The following ANKS1B variants were observed in gnomAD, a reference collection of about 807,000 sequenced individuals.
The protein encoded by ANKS1B is ankyrin repeat and sterile alpha motif domain-containing protein 1B.
ANKS1B carries 36 observed loss-of-function variants against 148.3 expected under a neutral mutation model. That is an observed-to-expected ratio of 0.24 (90% confidence interval 0.19 to 0.32). ANKS1B has a LOEUF of 0.32. Among genes scored for constraint, ANKS1B ranks in the 10% least tolerant of loss-of-function variants. The pLI is 1.00. For synonymous variants in ANKS1B, 542 were observed against 560.8 expected, an observed-to-expected ratio of 0.97 and a Z score of 0.47; for missense variants, 1,157 against 1,542.6, an observed-to-expected ratio of 0.75 and a Z score of 4.19.
At chr12:99,945,006 C>T (rs1444239029) in intron 1 of ANKS1B, among the ~76,000 whole-genome samples, 1 of 152,064 alleles carries the variant, frequency 6.6e-6, no homozygotes, top group African/African-American at 2.4e-5. Context: ...TTTTACTAAG[C>T]AAATATGTGC....
chr12:99,423,365 A>T (rs1011501333), intron 11 of ANKS1B, among the ~76,000 whole-genome samples: 1 of 152,200 alleles, frequency 6.6e-6, no homozygotes, highest in Non-Finnish European at 1.5e-5. Flanking sequence ...GAGAAAAAGG[A>T]ACACTCATAC....
chr12:99,085,649 G>A (rs2051444733), intron 15 of ANKS1B, among the ~76,000 whole-genome samples: 2 of 152,166 alleles, frequency 1.3e-5, no homozygotes, highest in Non-Finnish European at 2.9e-5. Context: ...TAAAGAAAAT[G>A]TGGTACATAT....
At chr12:99,698,730 A>G (rs1010528151) in intron 8 of ANKS1B, among the ~76,000 whole-genome samples, 3 of 152,038 alleles carry the variant, frequency 2.0e-5, no homozygotes, top group Non-Finnish European at 4.4e-5. Context: ...TTCTTGGAAA[A>G]TTTCTTTTTC....
At chr12:99,479,726 G>A (rs530182602) in intron 10 of ANKS1B, among the ~76,000 whole-genome samples, 2 of 151,984 alleles carry the variant, frequency 1.3e-5, no homozygotes, top group South Asian at 2.1e-4. Flanking sequence ...ACGTTGGAGA[G>A]GTGGGTGGAA....
At chr12:99,967,714 T>C (rs2095502780) in intron 1 of ANKS1B, among the ~76,000 whole-genome samples, 1 of 151,686 alleles carries the variant, frequency 6.6e-6, no homozygotes, top group Admixed American at 6.6e-5. Context: ...CCAGAACATC[T>C]TGGCCAACAT....
At chr12:99,048,804 G>A (rs1568557435) in intron 17 of ANKS1B, 1 of 152,362 alleles carries the variant, frequency 6.6e-6, no homozygotes, top group East Asian at 1.9e-4. Flanking sequence ...GCTGGCTGAG[G>A]GAAGCTTCAA....
chr12:99,563,739 A>G (rs2097361105), intron 9 of ANKS1B, among the ~76,000 whole-genome samples: 1 of 152,200 alleles, frequency 6.6e-6, no homozygotes, highest in South Asian at 2.1e-4. Context: ...CAAACCTTCA[A>G]TTTGTAAAAA....
chr12:98,991,886 A>G (rs1323537570), intron 17 of ANKS1B, among the ~76,000 whole-genome samples: 1 of 152,252 alleles, frequency 6.6e-6, no homozygotes, highest in Non-Finnish European at 1.5e-5. Context: ...TAAACAAAGT[A>G]CTGTGAGATC....
chr12:99,345,404 G>T (rs1239238711), intron 12 of ANKS1B, among the ~76,000 whole-genome samples: 1 of 152,034 alleles, frequency 6.6e-6, no homozygotes, highest in East Asian at 1.9e-4. Context: ...TAATGCAAGA[G>T]ATAGTTTAGA....
chr12:99,201,652 A>T (rs967526282), intron 14 of ANKS1B, among the ~76,000 whole-genome samples: 1 of 152,214 alleles, frequency 6.6e-6, no homozygotes, highest in Non-Finnish European at 1.5e-5. Context: ...GCATGTATAC[A>T]TCTCCTCTCT....
At chr12:98,937,984 T>G (rs1314389887) in intron 17 of ANKS1B, among the ~76,000 whole-genome samples, 3 of 152,022 alleles carry the variant, frequency 2.0e-5, no homozygotes, top group Non-Finnish European at 4.4e-5. Flanking sequence ...TAGAGCAGCA[T>G]GGGGGAAACT....
intron 17 of ANKS1B, among the ~76,000 whole-genome samples, chr12:98,970,953 C>G (rs11109690): frequency 5.9e-5 from 9 of 152,142 alleles, no homozygotes; most frequent in African/African-American, 2.2e-4. Flanking sequence ...ATTATTAATA[C>G]TCTTGAAGGG....
rs1342206209 is a variant in ANKS1B at position 99,139,435 on chromosome 12, T to C, written c.2526+14854A>G. Among the ~76,000 whole-genome samples, 3 of 12,880 alleles carry C rather than the reference T, an allele frequency of 2.3e-4. 1 individual carries two copies. The highest frequency in any genetic ancestry group is 3.0e-4 in the Non-Finnish European group (3 of 10,014). The allele number at this position is 12,880 out of a possible 152,430, so 8.4% of individuals were successfully genotyped here. A position where few individuals can be genotyped will look rare whatever the true frequency, so the allele number is the denominator to read the frequency against. On this transcript the variant is annotated intron_variant, in intron 15 of 26. Transcript: ENST00000683438. ...CTTTCTTTCTTTCTTTCTTTCTTTC[T>C]TTCTTTTTCTTTCTTTCTTTCTTTC... is the stretch of plus-strand genomic sequence containing the variant.
chr12:99,564,723 A>G (rs2097371107), intron 9 of ANKS1B, among the ~76,000 whole-genome samples: 1 of 152,150 alleles, frequency 6.6e-6, no homozygotes, highest in African/African-American at 2.4e-5. Context: ...TTCTGTTTTT[A>G]GCACAAACAA....
chr12:99,487,073 TG>T (rs2096499865), intron 10 of ANKS1B, among the ~76,000 whole-genome samples: 1 of 152,156 alleles, frequency 6.6e-6, no homozygotes, highest in Non-Finnish European at 1.5e-5. Flanking sequence ...ATTTCCCTGC[TG>T]AACCCAGCAC....
At chr12:99,327,027 AAT>A (rs929395702) in intron 12 of ANKS1B, among the ~76,000 whole-genome samples, 22 of 119,234 alleles carry the variant, frequency 1.8e-4, no homozygotes, top group Non-Finnish European at 3.3e-4. Context: ...TATTATAATA[AAT>A]ATTATATATA....
chr12:99,650,525 T>G (rs1190969639), intron 9 of ANKS1B, among the ~76,000 whole-genome samples: 6 of 152,210 alleles, frequency 3.9e-5, no homozygotes, highest in Admixed American at 3.9e-4. Flanking sequence ...TTGATTTCCT[T>G]TCTTAAATCT....
chr12:98,794,679 T>C, intron 22 of ANKS1B: 1 of 921,920 alleles, frequency 1.1e-6, no homozygotes, highest in East Asian at 2.4e-5. Context: ...GAGCTTACAG[T>C]GGATAATTCA....
intron 8 of ANKS1B, among the ~76,000 whole-genome samples, chr12:99,685,759 T>TAC (rs1011715769): frequency 1.9e-4 from 28 of 151,152 alleles, no homozygotes; most frequent in Admixed American, 6.6e-4. Context: ...TATATATATA[T>TAC]ACACACACAC....
Sources: allele counts gnomAD v4.1 joint callset (sites outside exome capture counted in the v4.1 genomes callset), GRCh38; gene constraint gnomAD v4.1.1; transcripts MANE v1.5; gene names NCBI Gene and HGNC (gene_info 2026-07-23, HGNC 2026-07-21).